The following BCL7A variants were observed in gnomAD, a reference collection of about 807,000 sequenced individuals.
BCL7A encodes the protein BAF chromatin remodeling complex subunit BCL7A, also known as B-cell CLL/lymphoma 7 protein family member A.
A neutral mutation model predicts 28.4 loss-of-function variants in BCL7A; 11 were observed. The observed-to-expected ratio is 0.39, with a 90% CI of 0.24 to 0.64. The LOEUF (loss-of-function observed/expected upper bound fraction) is 0.64, where lower values mean the gene tolerates loss of function less well. BCL7A is among the 30% of genes least tolerant of loss of function. The pLI is 0.50. For synonymous variants in BCL7A, 123 were observed against 103.3 expected (o/e 1.19, Z -1.15); for missense variants, 222 against 274.8 (o/e 0.81, Z 1.36).
chr12:122,045,510 T>C (rs747513595), intron 4 of BCL7A, among the ~76,000 whole-genome samples: 3 of 151,998 alleles, frequency 2.0e-5, no homozygotes, highest in Non-Finnish European at 4.4e-5. Flanking sequence ...GGGGCTTGGG[T>C]GACATGATCT....
rs55770934 is a variant in BCL7A, at chr12:122,034,190, CATATATATATATATATATAT to C, written c.175-1106_175-1087del. 5.4e-3 allele frequency among the ~76,000 whole-genome samples: 529 copies of C among 97,562 alleles called. 15 individuals are homozygous for C. The highest frequency in any genetic ancestry group is 0.02 in the African/African-American group (472 of 23,912). 64.0% of individuals were successfully genotyped at this position (97,562 alleles called of 152,430 possible). A position where few individuals can be genotyped will look rare whatever the true frequency, so the allele number is the denominator to read the frequency against. On this transcript the variant is annotated intron_variant, in intron 2 of 5. Coordinates refer to ENST00000261822, the MANE Select transcript of BCL7A (RefSeq NM_001024808.3). Reference sequence around the variant, plus strand: ...TGAGGCTCACGTATCCTGCATCTTTCATATATATATATATATATATATATATATATATATATATATATATA... The same window carrying C: ...TGAGGCTCACGTATCCTGCATCTTTCATATATATATATATATATATATATA...
At chr12:122,031,270 C>G (rs573292637) in intron 2 of BCL7A, among the ~76,000 whole-genome samples, 15 of 152,266 alleles carry the variant, frequency 9.9e-5, no homozygotes, top group African/African-American at 3.6e-4. Context: ...CTCGGGTGAT[C>G]CACCTGCCTG....
At chr12:122,047,783 C>T (rs1452053772) in intron 4 of BCL7A, among the ~76,000 whole-genome samples, 1 of 152,030 alleles carries the variant, frequency 6.6e-6, no homozygotes, top group Non-Finnish European at 1.5e-5. Context: ...ACTTTGGCCT[C>T]CCAAAGTGCT....
chr12:122,030,637 T>C (rs914280703), intron 1 of BCL7A, 63 bp from the exon 2 acceptor site: 39 of 1,451,850 alleles, frequency 2.7e-5, no homozygotes, highest in Middle Eastern at 1.8e-4. Flanking sequence ...CCCAAGGGAG[T>C]GTGGCCTGTG....
At chr12:122,031,631 C>T (rs1692133674) in intron 2 of BCL7A, among the ~76,000 whole-genome samples, 1 of 152,222 alleles carries the variant, frequency 6.6e-6, no homozygotes, top group Non-Finnish European at 1.5e-5. Context: ...TCAGGTCTGT[C>T]TGACTCCAAA....
rs1565935563 is a variant in BCL7A, at chr12:122,030,680, C to T, written c.93-20C>T. On this transcript the variant is annotated intron_variant, in intron 1 of 5. Coordinates refer to ENST00000261822, the MANE Select transcript of BCL7A (RefSeq NM_001024808.3). ...GGGATGAAGAGTCCCCGGTAACAGG[C>T]TCTTCCTCATCCTCCTCAGGGAGAA... The T allele has an allele frequency of 5.6e-6, 9 of 1,608,432 alleles. No individual in the cohort carries two copies. The highest frequency in any genetic ancestry group is 7.7e-6 in the Non-Finnish European group (9 of 1,175,038).
At chr12:122,034,243 A>ATATG (rs1565936754) in intron 2 of BCL7A, among the ~76,000 whole-genome samples, 2 of 90,286 alleles carry the variant, frequency 2.2e-5, no homozygotes, top group Non-Finnish European at 4.2e-5. Flanking sequence ...ATATATATAT[A>ATATG]TCTTGGCGAT....
chr12:122,053,112 T>G (rs1456281112), intron 4 of BCL7A, among the ~76,000 whole-genome samples: 1 of 152,076 alleles, frequency 6.6e-6, no homozygotes, highest in Non-Finnish European at 1.5e-5. Flanking sequence ...TTCTCCTGCC[T>G]CAGCCTCCGA....
Position 122,043,874 on chromosome 12 carries a change from C to A in BCL7A, c.272-12C>A. The A allele has an allele frequency of 6.2e-7, 1 of 1,605,212 alleles. No individual in the cohort carries two copies. The highest frequency in any genetic ancestry group is 1.1e-5 in the South Asian group (1 of 89,646). ...GGATTTCATCCTGTGGTTCTGTTCC[C>A]ACCCCCTACAGACGATAACAGCAAC... On this transcript the variant is annotated splice_polypyrimidine_tract_variant and intron_variant, in intron 3 of 5. Transcript: ENST00000261822.
rs1383472713 is a variant in BCL7A, at chr12:122,021,916, T to C, written c.-176T>C. 5.7e-6 allele frequency: 2 copies of C among 353,730 alleles called. No homozygotes were observed. The highest frequency in any genetic ancestry group is 1.0e-5 in the Non-Finnish European group (2 of 192,748). The allele number at this position is 353,730 out of a possible 1,614,324, so 21.9% of individuals were successfully genotyped here. ...GCCAGGCGCGCGGCGGCCCCGGGCT[T>C]TGTGTGTGTGTGTATGTGTGTGTGT... is the stretch of plus-strand genomic sequence containing the variant. On this transcript the variant is annotated 5_prime_UTR_variant, in exon 1 of 6. Coordinates refer to ENST00000261822, the MANE Select transcript of BCL7A (RefSeq NM_001024808.3).
intron 3 of BCL7A, among the ~76,000 whole-genome samples, chr12:122,040,498 C>T (rs1012651319): frequency 6.7e-6 from 1 of 148,612 alleles, no homozygotes; most frequent in Non-Finnish European, 1.5e-5. Context: ...CACCACTGCA[C>T]TCCAGCCTGG....
chr12:122,038,717 G>T (rs75566620), intron 3 of BCL7A, among the ~76,000 whole-genome samples: 2,812 of 152,210 alleles, frequency 0.018, 29 homozygotes, highest in Middle Eastern at 0.034. Context: ...CCCCACCTGG[G>T]TTCACATCCT....
Position 122,021,955 on chromosome 12 carries a change from T to C in BCL7A, c.-137T>C. ...ATGTGTGTGTGTGTGTGTGTGTGTG[T>C]GTGAGTGTGTGCGTGTGAGAGTGCG... On this transcript the variant is annotated 5_prime_UTR_variant, in exon 1 of 6. Coordinates refer to ENST00000261822, the MANE Select transcript of BCL7A (RefSeq NM_001024808.3). 1.7e-6 allele frequency: 1 copy of C among 592,778 alleles called. No homozygotes were observed. The highest frequency in any genetic ancestry group is 3.0e-6 in the Non-Finnish European group (1 of 332,958). The allele number at this position is 592,778 out of a possible 1,614,324, so 36.7% of individuals were successfully genotyped here. A position where few individuals can be genotyped will look rare whatever the true frequency, so the allele number is the denominator to read the frequency against.
intron 4 of BCL7A, among the ~76,000 whole-genome samples, chr12:122,049,732 CTT>C: frequency 6.6e-6 from 1 of 152,234 alleles, no homozygotes; most frequent in East Asian, 1.9e-4. Flanking sequence ...GTGTTCCCGT[CTT>C]TTGTTTTGCA....
At chr12:122,023,027 C>G (rs906577756) in intron 1 of BCL7A, among the ~76,000 whole-genome samples, 2 of 152,262 alleles carry the variant, frequency 1.3e-5, no homozygotes, top group African/African-American at 2.4e-5. Flanking sequence ...GTTCTCTGCA[C>G]CGGGGAGAGG....
rs747319871 is a variant in BCL7A at position 122,054,799 on chromosome 12, C to T, written c.440-6C>T. ...AACAGCTCCTGTCGTCTTGCTCTTCCCTCAGATGCTTCTGATGAGCAGAAT... is the reference window on the plus strand; with the variant it reads ...AACAGCTCCTGTCGTCTTGCTCTTCTCTCAGATGCTTCTGATGAGCAGAAT... On this transcript the variant is annotated splice_region_variant and splice_polypyrimidine_tract_variant and intron_variant, in intron 4 of 5. Coordinates refer to ENST00000261822, the MANE Select transcript of BCL7A (RefSeq NM_001024808.3). 3.1e-6 allele frequency: 5 copies of T among 1,612,700 alleles called. No individual in the cohort carries two copies. The East Asian group carries it at 8.9e-5, about 29-fold the overall frequency.
Position 122,054,918 on chromosome 12 carries a change from A to G in BCL7A, c.553A>G (p.Ile185Val), listed in dbSNP as rs1264636205. ...DSGLAAETSAISQDLEGVPPS... is the reference protein window; with the variant it reads ...DSGLAAETSAVSQDLEGVPPS... ...GGGTCTGGCCGCAGAGACGTCTGCA[A>G]TCTCTCAGGTACCTCGCTCGAGGTC... is the stretch of plus-strand genomic sequence containing the variant. The change falls in exon 5 of 6, where the codon ATC (isoleucine) becomes GTC (valine). Residue 185 changes from isoleucine (I) to valine (V), a missense_variant. Around this residue, in one of 2 missense-constraint regions of BCL7A, gnomAD observed 155 missense variants for 145.7 expected, o/e 1.06. Transcript: ENST00000261822. The G allele has an allele frequency of 1.2e-6, 2 of 1,614,158 alleles. No homozygotes were observed. The highest frequency in any genetic ancestry group is 1.3e-5 in the African/African-American group (1 of 75,048).
At chr12:122,049,656 C>T (rs2135856656) in intron 4 of BCL7A, among the ~76,000 whole-genome samples, 1 of 152,250 alleles carries the variant, frequency 6.6e-6, no homozygotes, top group East Asian at 1.9e-4. Flanking sequence ...AACTATAATA[C>T]TTCCCGTTCA....
chr12:122,033,901 G>A (rs551520764), intron 2 of BCL7A, among the ~76,000 whole-genome samples: 1 of 151,974 alleles, frequency 6.6e-6, no homozygotes, highest in Non-Finnish European at 1.5e-5. Context: ...GCCTGCCCCG[G>A]TAACCACCAG....
Sources: gnomAD v4.1 joint callset for allele counts (sites outside exome capture counted in the v4.1 genomes callset) on GRCh38, gnomAD v4.1.1 for gene constraint, gnomAD v4.1.1 regional missense constraint, MANE v1.5 for transcripts, NCBI Gene and HGNC (gene_info 2026-07-23, HGNC 2026-07-21) for gene names.